Variants in PSMB2 observed in about 807,000 individuals in gnomAD.
PSMB2 encodes the protein proteasome subunit beta type-2.
In PSMB2, 13 loss-of-function variants were observed where a neutral mutation model predicts 25.7. The observed-to-expected ratio is 0.51, with a 90% CI of 0.33 to 0.80. The LOEUF is 0.80. PSMB2 is among the 30% of genes least tolerant of loss of function. PSMB2 has a pLI of 0.02. For synonymous variants in PSMB2, 87 were observed against 96.2 expected (o/e 0.90, Z 0.56); for missense variants, 202 against 259.0 (o/e 0.78, Z 1.51).
intron 3 of PSMB2, among the ~76,000 whole-genome samples, chr1:35,622,032 T>C (rs758733026): frequency 6.6e-6 from 1 of 151,976 alleles, no homozygotes; most frequent in Non-Finnish European, 1.5e-5. Flanking sequence ...ATATACATGG[T>C]ATAGCGAATG....
chr1:35,628,632 T>TATATATATATATA (rs1491503087), intron 3 of PSMB2, among the ~76,000 whole-genome samples: 30 of 35,428 alleles, frequency 8.5e-4, no homozygotes, highest in South Asian at 1.6e-3. Flanking sequence ...TATATATATA[T>TATATATATATATA]TTTTTTTTTT....
At chr1:35,610,481 C>G (rs1650297079) in intron 3 of PSMB2, among the ~76,000 whole-genome samples, 1 of 151,920 alleles carries the variant, frequency 6.6e-6, no homozygotes, top group Non-Finnish European at 1.5e-5. Context: ...GATAGTAAGT[C>G]TCTTTCTTTG....
chr1:35,609,227 C>G lies in PSMB2; in HGVS notation c.448+19G>C, dbSNP rs762669956. On this transcript the variant is annotated intron_variant, in intron 4 of 5. Transcript: ENST00000373237. Reference sequence around the variant, plus strand: ...GCAGGGCTCTGCCACTGCTCCCTCCCTAGAGTATTAATACTTACTCGGTGT... The same window carrying G: ...GCAGGGCTCTGCCACTGCTCCCTCCGTAGAGTATTAATACTTACTCGGTGT... 3 of 1,544,146 alleles carry G rather than the reference C, an allele frequency of 1.9e-6. No individual in the cohort carries two copies. Among genetic ancestry groups the G allele is most frequent in the South Asian group, 1.2e-5 (1 of 80,358 alleles).
chr1:35,607,054 A>C (rs1339749754), intron 4 of PSMB2, among the ~76,000 whole-genome samples: 1 of 152,230 alleles, frequency 6.6e-6, no homozygotes, highest in African/African-American at 2.4e-5. Context: ...ATTCAACTCA[A>C]AATGGATCAA....
At chr1:35,620,921 C>G (rs1029557123) in intron 3 of PSMB2, among the ~76,000 whole-genome samples, 3 of 151,884 alleles carry the variant, frequency 2.0e-5, no homozygotes, top group Non-Finnish European at 4.4e-5. Flanking sequence ...CTGCCTTGGC[C>G]TCCCAAAGTG....
chr1:35,627,899 C>T (rs1054968439), intron 3 of PSMB2, among the ~76,000 whole-genome samples: 1 of 152,130 alleles, frequency 6.6e-6, no homozygotes, highest in South Asian at 2.1e-4. Flanking sequence ...TAAATGTCCT[C>T]CCAACCAAAC....
intron 1 of PSMB2, among the ~76,000 whole-genome samples, chr1:35,640,092 A>ACTGTACTGTACTG (rs1459453155): frequency 6.6e-6 from 1 of 151,838 alleles, no homozygotes; most frequent in African/African-American, 2.4e-5. Context: ...ATACTATACT[A>ACTGTACTGTACTG]TACTATACTA....
At position 35,600,795 on chromosome 1, in the gene PSMB2, A is replaced by AGGC; in HGVS notation, c.*2469_*2471dup. ...TTGCCCTGGGGACACTTACATTCAAAGGCAGAGAACCGTATGTCATCCCTG... is the reference window on the plus strand; with the variant it reads ...TTGCCCTGGGGACACTTACATTCAAAGGCGGCAGAGAACCGTATGTCATCCCTG... On this transcript the variant is annotated 3_prime_UTR_variant, in exon 6 of 6. Transcript: ENST00000373237. 1.0e-6 allele frequency: 1 copy of AGGC among 985,446 alleles called. No homozygotes were observed. Among genetic ancestry groups the AGGC allele is most frequent in the Non-Finnish European group, 1.2e-6 (1 of 829,932 alleles). 61.0% of individuals were successfully genotyped at this position (985,446 alleles called of 1,614,324 possible). A position where few individuals can be genotyped will look rare whatever the true frequency, so the allele number is the denominator to read the frequency against.
chr1:35,631,769 C>T (rs28636387), intron 2 of PSMB2, among the ~76,000 whole-genome samples: 2 of 152,070 alleles, frequency 1.3e-5, no homozygotes, highest in African/African-American at 4.8e-5. Context: ...GCCTGTAATC[C>T]TAGAGCTTTG....
chr1:35,636,521 C>A, intron 1 of PSMB2, 89 bp from the exon 2 acceptor site: 1 of 1,423,628 alleles, frequency 7.0e-7, no homozygotes, highest in Non-Finnish European at 9.4e-7. Flanking sequence ...TTATTAATTA[C>A]TACAGTTGGC....
chr1:35,634,693 T>C (rs1651195738), intron 2 of PSMB2, among the ~76,000 whole-genome samples: 2 of 152,046 alleles, frequency 1.3e-5, no homozygotes, highest in Non-Finnish European at 2.9e-5. Flanking sequence ...TCAGATACTT[T>C]TAAACTCAAA....
intron 3 of PSMB2, among the ~76,000 whole-genome samples, chr1:35,623,049 G>C (rs1172626660): frequency 1.3e-5 from 2 of 152,152 alleles, no homozygotes; most frequent in African/African-American, 4.8e-5. Flanking sequence ...AGCACAAAGT[G>C]TTGTCATATT....
intron 3 of PSMB2, among the ~76,000 whole-genome samples, chr1:35,630,412 T>C (rs1436914881): frequency 2.6e-5 from 4 of 152,214 alleles, no homozygotes; most frequent in African/African-American, 9.6e-5. Flanking sequence ...GCTTTATTCA[T>C]ATTGCCAAAA....
intron 3 of PSMB2, among the ~76,000 whole-genome samples, chr1:35,630,760 G>A (rs2148576226): frequency 6.6e-6 from 1 of 152,312 alleles, no homozygotes; most frequent in Admixed American, 6.5e-5. Context: ...TGTAATGGTA[G>A]ATACATGTCA....
At chr1:35,638,537 C>G (rs1017189406) in intron 1 of PSMB2, among the ~76,000 whole-genome samples, 1 of 152,164 alleles carries the variant, frequency 6.6e-6, no homozygotes, top group Non-Finnish European at 1.5e-5. Flanking sequence ...ATATGACTTA[C>G]CCCTGTCTAA....
At chr1:35,614,503 G>A (rs945701278) in intron 3 of PSMB2, among the ~76,000 whole-genome samples, 6 of 152,214 alleles carry the variant, frequency 3.9e-5, no homozygotes, top group African/African-American at 1.4e-4. Context: ...TGTTTAGATA[G>A]TAAGTCTAAG....
At chr1:35,605,887 T>C (rs1571120628) in intron 4 of PSMB2, among the ~76,000 whole-genome samples, 1 of 152,310 alleles carries the variant, frequency 6.6e-6, no homozygotes, top group East Asian at 1.9e-4. Flanking sequence ...GCTGTATTAC[T>C]GACAGATGCC....
intron 3 of PSMB2, among the ~76,000 whole-genome samples, chr1:35,620,766 G>A (rs1452830214): frequency 6.6e-6 from 1 of 151,464 alleles, no homozygotes; most frequent in African/African-American, 2.4e-5. Context: ...CTGGGTTCAA[G>A]CGATTCTCCT....
chr1:35,605,362 ATC>A (rs1650135324), intron 4 of PSMB2, 80 bp from the exon 5 acceptor site: 4 of 1,431,386 alleles, frequency 2.8e-6, no homozygotes, highest in Non-Finnish European at 9.8e-7. Context: ...TAAGTTCCAA[ATC>A]TGGCTTCTTC....
Sources: gnomAD v4.1 joint callset for allele counts (sites outside exome capture counted in the v4.1 genomes callset) on GRCh38, gnomAD v4.1.1 for gene constraint, MANE v1.5 for transcripts, NCBI Gene and HGNC (gene_info 2026-07-23, HGNC 2026-07-21) for gene names.